The following PDE7A variants were observed in gnomAD, a reference collection of about 807,000 sequenced individuals.
PDE7A encodes the protein phosphodiesterase 7A.
PDE7A carries 39 observed loss-of-function variants against 64.3 expected under a neutral mutation model. The ratio of observed to expected loss-of-function variants is 0.61; its 90% CI spans 0.47 to 0.79. PDE7A has a LOEUF of 0.79. Ranked by LOEUF, PDE7A falls within the 30% of genes least tolerant of loss-of-function variation. The pLI is 0.00. For synonymous variants in PDE7A, 203 were observed against 206.8 expected, an observed-to-expected ratio of 0.98 and a Z score of 0.16; for missense variants, 470 against 582.8, an observed-to-expected ratio of 0.81 and a Z score of 1.99.
chr8:65,792,282 A>C lies in PDE7A; in HGVS notation c.139-9439T>G, dbSNP rs115005040. On this transcript the variant is annotated intron_variant, in intron 1 of 12. Transcript: ENST00000401827. ...TTTGATACTATAAGAAGAAAGTATA[A>C]AACTTTTTACCTTTCTGGGGTTTAT... Among the ~76,000 whole-genome samples the C allele has an allele frequency of 6.3e-3, 958 of 152,350 alleles. 13 individuals are homozygous for C. The highest frequency in any genetic ancestry group is 0.022 in the African/African-American group (898 of 41,574).
intron 1 of PDE7A, among the ~76,000 whole-genome samples, chr8:65,788,631 G>A (rs563166345): frequency 6.6e-6 from 1 of 152,246 alleles, no homozygotes; most frequent in African/African-American, 2.4e-5. Flanking sequence ...TTAAGGCAGT[G>A]ATACTGAGGA....
intron 3 of PDE7A, among the ~76,000 whole-genome samples, chr8:65,764,377 G>A (rs1022888698): frequency 6.6e-6 from 1 of 152,220 alleles, no homozygotes; most frequent in African/African-American, 2.4e-5. Context: ...TGGCAAACTC[G>A]AGTCTGAATG....
chr8:65,802,851 G>C (rs752983250), intron 1 of PDE7A, among the ~76,000 whole-genome samples: 1 of 152,174 alleles, frequency 6.6e-6, no homozygotes, highest in Non-Finnish European at 1.5e-5. Context: ...TCATGGGGGT[G>C]GATCCCTGAT....
At chr8:65,831,088 A>C (rs914704951) in intron 1 of PDE7A, among the ~76,000 whole-genome samples, 26 of 152,142 alleles carry the variant, frequency 1.7e-4, no homozygotes, top group African/African-American at 5.8e-4. Flanking sequence ...ATATATTAAA[A>C]CTTAGATGAA....
intron 7 of PDE7A, 109 bp downstream of exon 7, chr8:65,734,685 G>A (rs1807048719): frequency 1.5e-6 from 1 of 673,190 alleles, no homozygotes. Flanking sequence ...TTCTTGTGAA[G>A]GAAGTCTGTG....
At chr8:65,822,455 T>A (rs1810565485) in intron 1 of PDE7A, among the ~76,000 whole-genome samples, 1 of 152,200 alleles carries the variant, frequency 6.6e-6, no homozygotes, top group East Asian at 1.9e-4. Context: ...TAGGACTGGG[T>A]CACTGACAGG....
intron 3 of PDE7A, among the ~76,000 whole-genome samples, chr8:65,770,314 G>T (rs1809022338): frequency 6.6e-6 from 1 of 152,238 alleles, no homozygotes; most frequent in African/African-American, 2.4e-5. Flanking sequence ...TGGACTCACA[G>T]TTCCATGTGG....
chr8:65,743,992 C>A (rs1341870093), intron 5 of PDE7A, among the ~76,000 whole-genome samples: 2 of 152,144 alleles, frequency 1.3e-5, no homozygotes, highest in African/African-American at 4.8e-5. Context: ...ACCACCACAC[C>A]CAGCCAATGT....
intron 1 of PDE7A, among the ~76,000 whole-genome samples, chr8:65,817,613 T>C (rs1471107548): frequency 3.3e-5 from 5 of 152,202 alleles, no homozygotes; most frequent in Non-Finnish European, 7.4e-5. Flanking sequence ...TGATGAGTAC[T>C]AGTCAGGTGC....
At chr8:65,743,892 G>A (rs1282884382) in intron 5 of PDE7A, among the ~76,000 whole-genome samples, 1 of 151,896 alleles carries the variant, frequency 6.6e-6, no homozygotes, top group Non-Finnish European at 1.5e-5. Context: ...GAGTGCAATG[G>A]CGCGATCTCA....
chr8:65,720,362 A>G (rs922510764), intron 12 of PDE7A: 3 of 154,204 alleles, frequency 1.9e-5, no homozygotes, highest in African/African-American at 7.2e-5. Flanking sequence ...GAAAATATAC[A>G]TTCTGATTCT....
intron 12 of PDE7A, among the ~76,000 whole-genome samples, chr8:65,721,011 C>T (rs1806354345): frequency 6.6e-6 from 1 of 152,170 alleles, no homozygotes; most frequent in Non-Finnish European, 1.5e-5. Flanking sequence ...CCTCCAACAG[C>T]CAACAAATTA....
In PDE7A at chr8:65,716,166, A is replaced by G. The variant is rs1391166206; in HGVS notation, c.*3124T>C. Among the ~76,000 whole-genome samples the G allele has an allele frequency of 2.0e-5, 3 of 151,110 alleles. No individual in the cohort carries two copies. Among genetic ancestry groups the G allele is most frequent in the Non-Finnish European group, 4.4e-5 (3 of 67,816 alleles). The stretch of plus-strand genomic sequence containing the variant: ...CCTGTCTCAAAAAAAAAAAAAAACA[A>G]AAGGGCTATAGAAGGTGATTCCCAC... On this transcript the variant is annotated 3_prime_UTR_variant, in exon 13 of 13. Transcript: ENST00000401827.
At chr8:65,770,139 G>C (rs1024330116) in intron 3 of PDE7A, among the ~76,000 whole-genome samples, 1 of 144,788 alleles carries the variant, frequency 6.9e-6, no homozygotes, top group Non-Finnish European at 1.5e-5. Context: ...GTGTGTGTGT[G>C]TGTGTGTGTG....
intron 3 of PDE7A, among the ~76,000 whole-genome samples, chr8:65,776,898 G>A (rs1052865732): frequency 2.0e-5 from 3 of 152,020 alleles, no homozygotes; most frequent in Non-Finnish European, 4.4e-5. Flanking sequence ...ATACTGAATA[G>A]GAAAGATGAT....
At chr8:65,762,362 T>G (rs1362868512) in intron 3 of PDE7A, among the ~76,000 whole-genome samples, 1 of 152,114 alleles carries the variant, frequency 6.6e-6, no homozygotes, top group Non-Finnish European at 1.5e-5. Context: ...CATGAATGAA[T>G]AGGGGAAAAT....
At chr8:65,834,692 T>G (rs956272305) in intron 1 of PDE7A, among the ~76,000 whole-genome samples, 9 of 152,134 alleles carry the variant, frequency 5.9e-5, no homozygotes, top group African/African-American at 2.2e-4. Context: ...CTTGGTCTTC[T>G]CCATCTCCCT....
At chr8:65,822,301 T>G (rs1487622305) in intron 1 of PDE7A, among the ~76,000 whole-genome samples, 3 of 152,170 alleles carry the variant, frequency 2.0e-5, no homozygotes. Flanking sequence ...CCTCCGTCAT[T>G]CTAAGAAAAA....
intron 7 of PDE7A, 135 bp from the exon 8 acceptor site, chr8:65,727,436 G>T (rs1422942288): frequency 8.1e-7 from 1 of 1,239,200 alleles, no homozygotes; most frequent in African/African-American, 1.5e-5. Context: ...TCAGGTGGTT[G>T]TTCATTAGGT....
Sources: allele counts gnomAD v4.1 joint callset (sites outside exome capture counted in the v4.1 genomes callset), GRCh38; gene constraint gnomAD v4.1.1; transcripts MANE v1.5; gene names NCBI Gene and HGNC (gene_info 2026-07-23, HGNC 2026-07-21).